TRIO: variants seen among roughly 807,000 people sequenced by gnomAD.
TRIO encodes trio Rho guanine nucleotide exchange factor.
TRIO carries 58 observed loss-of-function variants against 351.9 expected under a neutral mutation model. The ratio of observed to expected loss-of-function variants is 0.16; its 90% CI spans 0.13 to 0.21. The LOEUF (loss-of-function observed/expected upper bound fraction) is 0.21, where lower values mean the gene tolerates loss of function less well. Among genes scored for constraint, TRIO ranks in the 10% least tolerant of loss-of-function variants. The probability of loss-of-function intolerance (pLI) is 1.00; values close to 1 mark genes in which losing one functional copy is unlikely to be tolerated. For synonymous variants in TRIO, 1,758 were observed against 1,595.7 expected, an observed-to-expected ratio of 1.10 and a Z score of -2.42; for missense variants, 3,201 against 4,027.8, an observed-to-expected ratio of 0.79 and a Z score of 5.56.
At chr5:14,222,666 G>A (rs1792720011) in intron 1 of TRIO, among the ~76,000 whole-genome samples, 6 of 152,198 alleles carry the variant, frequency 3.9e-5, no homozygotes, top group Admixed American at 3.9e-4. Context: ...TGTTCCACAG[G>A]ATTCTGATGC....
At chr5:14,476,656 T>C (rs1328766634) in intron 40 of TRIO, among the ~76,000 whole-genome samples, 1 of 151,812 alleles carries the variant, frequency 6.6e-6, no homozygotes, top group African/African-American at 2.4e-5. Context: ...TAGCTAGGCA[T>C]AGTGGTGCAC....
chr5:14,363,894 C>T lies in TRIO; in HGVS notation c.2554C>T (p.Leu852Phe). 3 of 1,614,186 alleles carry T rather than the reference C, an allele frequency of 1.9e-6. No individual in the cohort carries two copies. The highest frequency in any genetic ancestry group is 2.5e-6 in the Non-Finnish European group (3 of 1,180,040). ...TFDVIHQGQDLLQYVNEVQAS... is the reference protein window; with the variant it reads ...TFDVIHQGQDFLQYVNEVQAS... ...TGACGTCATCCACCAAGGGCAAGAT[C>T]TTCTGCAGTATGTCAATGAGGTCCA... The change falls in exon 14 of 57, where the codon CTT (leucine) becomes TTT (phenylalanine). Residue 852 changes from leucine (L) to phenylalanine (F), a missense_variant. By Grantham distance (22) the Leu-to-Phe change is conservative. Coordinates refer to ENST00000344204, the MANE Select transcript of TRIO (RefSeq NM_007118.4).
At chr5:14,419,757 C>T in intron 33 of TRIO, 21 bp from the exon 34 acceptor site, 1 of 1,613,180 alleles carries the variant, frequency 6.2e-7, no homozygotes, top group Non-Finnish European at 8.5e-7. Flanking sequence ...GACCTGTCCT[C>T]TCTTCCTCTG....
chr5:14,201,889 G>A (rs1394430630), intron 1 of TRIO, among the ~76,000 whole-genome samples: 2 of 146,838 alleles, frequency 1.4e-5, no homozygotes, highest in African/African-American at 5.1e-5. Flanking sequence ...AAAATTGCGT[G>A]TTCTCACTCA....
chr5:14,292,436 A>G (rs944525624), intron 5 of TRIO, among the ~76,000 whole-genome samples: 8 of 152,248 alleles, frequency 5.3e-5, no homozygotes, highest in African/African-American at 1.7e-4. Context: ...ATCCTTGTCC[A>G]AGTAACATCT....
intron 1 of TRIO, among the ~76,000 whole-genome samples, chr5:14,169,563 A>G (rs1268025754): frequency 6.6e-6 from 1 of 152,178 alleles, no homozygotes; most frequent in Non-Finnish European, 1.5e-5. Flanking sequence ...GGTGTTCTTT[A>G]CTTTATTCAC....
intron 3 of TRIO, among the ~76,000 whole-genome samples, chr5:14,282,889 TAAGAG>T (rs1736125358): frequency 6.6e-6 from 1 of 152,048 alleles, no homozygotes; most frequent in Admixed American, 6.5e-5. Flanking sequence ...AATGAGCAAA[TAAGAG>T]AGGTGGATTA....
chr5:14,261,431 C>T (rs145283938), intron 1 of TRIO, among the ~76,000 whole-genome samples: 1 of 152,308 alleles, frequency 6.6e-6, no homozygotes, highest in Non-Finnish European at 1.5e-5. Flanking sequence ...TGCCTCCAGC[C>T]AGCCTTATGA....
intron 7 of TRIO, 65 bp from the exon 8 acceptor site, chr5:14,304,396 A>G: frequency 1.3e-6 from 2 of 1,521,054 alleles, no homozygotes; most frequent in Non-Finnish European, 8.9e-7. Flanking sequence ...AAACCATGTT[A>G]AAAAATGTCC....
At chr5:14,312,798 CTATA>C (rs1739043582) in intron 8 of TRIO, among the ~76,000 whole-genome samples, 2 of 152,144 alleles carry the variant, frequency 1.3e-5, no homozygotes, top group Admixed American at 1.3e-4. Flanking sequence ...TTTGTCTGCT[CTATA>C]TAGTCTCTTC....
chr5:14,336,414 T>C (rs1407298327), intron 10 of TRIO, 122 bp from the exon 11 acceptor site: 1 of 1,002,236 alleles, frequency 1.0e-6, no homozygotes, highest in South Asian at 1.6e-5. Flanking sequence ...ATTTTTCTGT[T>C]TGATTCATGT....
At chr5:14,495,764 C>T (rs181284834) in intron 49 of TRIO, among the ~76,000 whole-genome samples, 1 of 149,732 alleles carries the variant, frequency 6.7e-6, no homozygotes, top group Admixed American at 6.7e-5. Context: ...GTCAAGAGAT[C>T]GAGACCATCC....
chr5:14,455,813 G>A (rs895897275), intron 34 of TRIO, among the ~76,000 whole-genome samples: 2 of 152,254 alleles, frequency 1.3e-5, no homozygotes, highest in Non-Finnish European at 2.9e-5. Context: ...ACCCGACTCA[G>A]GAGCCCAGCT....
chr5:14,356,059 A>T (rs1273377557), intron 11 of TRIO, among the ~76,000 whole-genome samples: 1 of 152,258 alleles, frequency 6.6e-6, no homozygotes, highest in East Asian at 1.9e-4. Flanking sequence ...ATTTACTTTA[A>T]TATTTTCAGT....
intron 34 of TRIO, among the ~76,000 whole-genome samples, chr5:14,446,643 G>T (rs942536531): frequency 6.6e-6 from 1 of 152,142 alleles, no homozygotes; most frequent in Non-Finnish European, 1.5e-5. Context: ...CAGTCTGTGC[G>T]ACATGTCTTC....
intron 49 of TRIO, among the ~76,000 whole-genome samples, chr5:14,493,471 T>A (rs1480910383): frequency 6.6e-6 from 1 of 152,256 alleles, no homozygotes; most frequent in East Asian, 1.9e-4. Context: ...TAGTTAGTGA[T>A]GTCTGATGTT....
Position 14,388,682 on chromosome 5 carries a change from A to G in TRIO, c.3948+3A>G. On this transcript the variant is annotated splice_donor_region_variant and intron_variant, in intron 24 of 56. Coordinates refer to ENST00000344204, the MANE Select transcript of TRIO (RefSeq NM_007118.4). ...GAGACCTCCGGGAATGTATGGATGT[A>G]AGTAAGTTTTTTTTTTTTTTTTTTG... 6.3e-7 allele frequency: 1 copy of G among 1,587,090 alleles called. No homozygotes were observed. The highest frequency in any genetic ancestry group is 8.6e-7 in the Non-Finnish European group (1 of 1,168,028).
intron 1 of TRIO, among the ~76,000 whole-genome samples, chr5:14,210,318 A>G (rs1791803613): frequency 6.6e-6 from 1 of 152,230 alleles, no homozygotes; most frequent in African/African-American, 2.4e-5. Flanking sequence ...GTCTGAGGCC[A>G]CCAAGGTAAT....
In TRIO at chr5:14,487,920, ACGC is replaced by A. The variant is rs1406135134; in HGVS notation, c.7294_7296del (p.Ala2432del). ...GCGAACGCCTCGGGGTCGAGCCCAG[ACGC>A]CCCCGCCAAGGACGCGCGCGCTAGC... On this transcript the variant is annotated inframe_deletion, in exon 48 of 57. Coordinates refer to ENST00000344204, the MANE Select transcript of TRIO (RefSeq NM_007118.4). The A allele has an allele frequency of 6.5e-7, 1 of 1,538,538 alleles. No homozygotes were observed. Among genetic ancestry groups the A allele is most frequent in the Non-Finnish European group, 8.7e-7 (1 of 1,143,088 alleles).
Sources: allele counts gnomAD v4.1 joint callset (sites outside exome capture counted in the v4.1 genomes callset), GRCh38; gene constraint gnomAD v4.1.1; transcripts MANE v1.5; gene names NCBI Gene and HGNC (gene_info 2026-07-23, HGNC 2026-07-21).